SCAI: variants seen among roughly 807,000 people sequenced by gnomAD.
SCAI encodes the protein protein SCAI.
In SCAI, 24 loss-of-function variants were observed where a neutral mutation model predicts 92.2. That is an observed-to-expected ratio of 0.26 (90% CI 0.19 to 0.37). SCAI has a LOEUF of 0.37. SCAI is among the 10% of genes least tolerant of loss of function. SCAI has a pLI of 1.00. For missense variants in SCAI, 450 were observed against 736.2 expected, an observed-to-expected ratio of 0.61 and a Z score of 4.50; for synonymous variants, 261 against 258.6, an observed-to-expected ratio of 1.01 and a Z score of -0.09.
At chr9:125,117,809 T>C (rs1339071157) in intron 2 of SCAI, among the ~76,000 whole-genome samples, 1 of 152,128 alleles carries the variant, frequency 6.6e-6, no homozygotes, top group African/African-American at 2.4e-5. Flanking sequence ...GTTTTGTTTT[T>C]CTGAATAATT....
chr9:125,043,256 C>T (rs1833364261), intron 3 of SCAI, among the ~76,000 whole-genome samples: 1 of 152,148 alleles, frequency 6.6e-6, no homozygotes, highest in African/African-American at 2.4e-5. Context: ...ATCAGGTTTT[C>T]AGTCAAAGAG....
At chr9:125,020,446 A>G (rs1832849038) in intron 7 of SCAI, among the ~76,000 whole-genome samples, 1 of 152,222 alleles carries the variant, frequency 6.6e-6, no homozygotes, top group South Asian at 2.1e-4. Context: ...AAACATGCAG[A>G]AAGGACAAAA....
rs548812328 is a variant in SCAI, at chr9:124,972,008, A to G, written c.1400-164T>C. ...TTCACGAAACTACAAAAACTTTGCT[A>G]TGTTGCTTTCTGCTGAACAAACTTC... On this transcript the variant is annotated intron_variant, in intron 15 of 17. Transcript: ENST00000336505. Among the ~76,000 whole-genome samples the G allele has an allele frequency of 5.4e-4, 83 of 152,338 alleles. 2 individuals are homozygous for G. The South Asian group carries it at 0.016, about 30-fold the overall frequency.
At chr9:124,977,450 A>T (rs1416958527) in intron 14 of SCAI, among the ~76,000 whole-genome samples, 1 of 151,978 alleles carries the variant, frequency 6.6e-6, no homozygotes, top group Non-Finnish European at 1.5e-5. Flanking sequence ...GAGGTGGGAG[A>T]ATCACCTGAG....
At chr9:125,127,570 T>C (rs953321912) in intron 2 of SCAI, among the ~76,000 whole-genome samples, 2 of 152,166 alleles carry the variant, frequency 1.3e-5, no homozygotes, top group Admixed American at 1.3e-4. Flanking sequence ...AATTAAAATA[T>C]TGTTAATACT....
At chr9:125,004,627 CT>C (rs559008272) in intron 9 of SCAI, among the ~76,000 whole-genome samples, 75 of 149,920 alleles carry the variant, frequency 5.0e-4, no homozygotes, top group Non-Finnish European at 9.3e-4. Context: ...CGATTCCTGA[CT>C]TTTCAGCCCG....
intron 3 of SCAI, among the ~76,000 whole-genome samples, chr9:125,038,769 G>C (rs1009344527): frequency 2.6e-5 from 4 of 152,196 alleles, no homozygotes; most frequent in Non-Finnish European, 4.4e-5. Context: ...TCAGTCTGCA[G>C]TCACATCACC....
In SCAI at chr9:124,971,744, C is replaced by T; in HGVS notation, c.1500G>A (p.Trp500Ter). The change falls in exon 16 of 18, where the codon TGG becomes TGA. Residue 500 changes from tryptophan to a stop codon, truncating the protein, a stop_gained. Coordinates refer to ENST00000336505, the MANE Select transcript of SCAI (RefSeq NM_001144877.3). LOFTEE classifies it high-confidence loss of function. ...SGLSSMRRGL[W>*]EKCQEYLRKI... ...TTCGAAGATATTCTTGACACTTTTC[C>T]CATAGGCCTCTGCGCATGCTTGACA... The T allele has an allele frequency of 6.2e-7, 1 of 1,612,480 alleles. No individual in the cohort carries two copies. The highest frequency in any genetic ancestry group is 8.5e-7 in the Non-Finnish European group (1 of 1,179,638).
chr9:125,142,512 C>A (rs989157423), intron 2 of SCAI, 121 bp downstream of exon 2: 9 of 729,966 alleles, frequency 1.2e-5, no homozygotes, highest in Non-Finnish European at 1.9e-5. Flanking sequence ...TGGTTATATT[C>A]TTTTAAAAGG....
intron 2 of SCAI, among the ~76,000 whole-genome samples, chr9:125,079,372 C>T (rs1834160695): frequency 6.6e-6 from 1 of 152,108 alleles, no homozygotes; most frequent in Admixed American, 6.6e-5. Context: ...TTTATTGCTT[C>T]ATTATATGGC....
intron 2 of SCAI, among the ~76,000 whole-genome samples, chr9:125,130,466 T>C (rs75170460): frequency 0.013 from 1,957 of 152,246 alleles, 101 homozygotes; most frequent in Admixed American, 0.082. Context: ...TTTCACCCTA[T>C]GTAAATTATA....
At chr9:125,130,423 T>C (rs554875253) in intron 2 of SCAI, among the ~76,000 whole-genome samples, 4 of 152,156 alleles carry the variant, frequency 2.6e-5, no homozygotes. Context: ...CACAACTAGG[T>C]TCGTCAAAAT....
At chr9:125,041,428 T>G (rs1029207757) in intron 3 of SCAI, among the ~76,000 whole-genome samples, 1 of 152,240 alleles carries the variant, frequency 6.6e-6, no homozygotes, top group Non-Finnish European at 1.5e-5. Context: ...TTGTGACAAC[T>G]GACAATTATT....
intron 13 of SCAI, among the ~76,000 whole-genome samples, chr9:124,998,523 G>C (rs1832292330): frequency 6.6e-6 from 1 of 152,184 alleles, no homozygotes; most frequent in Admixed American, 6.5e-5. Context: ...ATAGGGAAGA[G>C]ATTGTTAAAG....
intron 2 of SCAI, among the ~76,000 whole-genome samples, chr9:125,102,606 T>A (rs143306544): frequency 6.6e-6 from 1 of 151,710 alleles, no homozygotes; most frequent in Admixed American, 6.6e-5. Context: ...AAACCCACTT[T>A]TTTTTTTTTG....
chr9:125,090,193 CTACA>C (rs1249550870), intron 2 of SCAI, among the ~76,000 whole-genome samples: 1 of 152,130 alleles, frequency 6.6e-6, no homozygotes, highest in Non-Finnish European at 1.5e-5. Context: ...ATGATGAATA[CTACA>C]AGATTTTATA....
chr9:125,056,205 C>T (rs771756327), intron 2 of SCAI, among the ~76,000 whole-genome samples, 198 bp from the exon 3 acceptor site: 2 of 152,218 alleles, frequency 1.3e-5, no homozygotes, highest in Non-Finnish European at 2.9e-5. Flanking sequence ...GTGGCTTACA[C>T]CTGTAATCCC....
chr9:125,024,672 T>C (rs568781384), intron 6 of SCAI, among the ~76,000 whole-genome samples: 4 of 152,276 alleles, frequency 2.6e-5, no homozygotes, highest in Admixed American at 2.6e-4. Context: ...TCTTTAACTA[T>C]ACATTTGCCT....
chr9:124,971,228 G>A (rs1464792891), intron 17 of SCAI, 142 bp downstream of exon 17: 2 of 471,840 alleles, frequency 4.2e-6, no homozygotes, highest in African/African-American at 2.0e-5. Flanking sequence ...CCAGTGTGAC[G>A]GTACATTTGT....
Sources: gnomAD v4.1 joint callset for allele counts (sites outside exome capture counted in the v4.1 genomes callset) on GRCh38, gnomAD v4.1.1 for gene constraint, MANE v1.5 for transcripts, NCBI Gene and HGNC (gene_info 2026-07-23, HGNC 2026-07-21) for gene names.